The following RBFOX1 variants were observed in gnomAD, a reference collection of about 807,000 sequenced individuals.
The protein encoded by RBFOX1 is RNA binding protein fox-1 homolog 1.
RBFOX1 carries 8 observed loss-of-function variants against 57.7 expected under a neutral mutation model. The observed-to-expected ratio is 0.14, with a 90% CI of 0.08 to 0.25. The LOEUF (loss-of-function observed/expected upper bound fraction) is 0.25, where lower values mean the gene tolerates loss of function less well. Ranked by LOEUF, RBFOX1 falls within the 10% of genes least tolerant of loss-of-function variation. The pLI is 1.00. For missense variants in RBFOX1, 611 were observed against 548.5 expected (o/e 1.11, Z -1.14); for synonymous variants, 326 against 222.4 (o/e 1.47, Z -4.15).
chr16:5,569,436 AC>A (rs151306911), intron 2 of RBFOX1, among the ~76,000 whole-genome samples: 6,556 of 73,792 alleles, frequency 0.089, 546 homozygotes, highest in African/African-American at 0.22. Flanking sequence ...ATAAGAAGTA[AC>A]CTTTTTTTTT....
At chr16:7,134,445 A>G (rs957827365) in intron 4 of RBFOX1, among the ~76,000 whole-genome samples, 1 of 152,188 alleles carries the variant, frequency 6.6e-6, no homozygotes, top group Non-Finnish European at 1.5e-5. Flanking sequence ...CCAATTATTG[A>G]TATGTTTTCA....
chr16:5,585,445 T>G (rs1353090539), intron 2 of RBFOX1, among the ~76,000 whole-genome samples: 3 of 152,206 alleles, frequency 2.0e-5, no homozygotes, highest in African/African-American at 7.2e-5. Context: ...CTTTGGGCTC[T>G]CTTGGGATTT....
intron 2 of RBFOX1, among the ~76,000 whole-genome samples, chr16:5,479,000 A>G (rs1167065971): frequency 1.3e-5 from 2 of 152,122 alleles, no homozygotes; most frequent in Admixed American, 6.5e-5. Context: ...CCATACCTTT[A>G]TGAATAGTCC....
chr16:7,511,647 C>T (rs1485811726), intron 4 of RBFOX1, among the ~76,000 whole-genome samples: 1 of 151,680 alleles, frequency 6.6e-6, no homozygotes, highest in African/African-American at 2.4e-5. Context: ...ATGAATCAGA[C>T]TTGGTTGCAT....
intron 3 of RBFOX1, among the ~76,000 whole-genome samples, chr16:6,997,356 C>T (rs7185741): frequency 0.042 from 6,438 of 152,174 alleles, 355 homozygotes; most frequent in East Asian, 0.23. Flanking sequence ...AAACCAATGA[C>T]TTAAAGGTAC....
chr16:6,294,197 T>C (rs1421614823), intron 1 of RBFOX1, among the ~76,000 whole-genome samples: 1 of 151,850 alleles, frequency 6.6e-6, no homozygotes, highest in Non-Finnish European at 1.5e-5. Context: ...AAAACAAAAA[T>C]AGATTTTCTG....
At chr16:5,492,904 C>T (rs149133342) in intron 2 of RBFOX1, among the ~76,000 whole-genome samples, 6 of 152,316 alleles carry the variant, frequency 3.9e-5, no homozygotes, top group African/African-American at 7.2e-5. Context: ...TGATGTTCTT[C>T]GTATTCGTTG....
intron 2 of RBFOX1, among the ~76,000 whole-genome samples, chr16:5,548,055 G>C (rs35458122): frequency 0.29 from 42,839 of 150,152 alleles, 6,741 homozygotes; most frequent in Non-Finnish European, 0.35. Context: ...CAGCTACTTG[G>C]GAAGCTGAGA....
chr16:5,250,357 C>G (rs541480856), intron 1 of RBFOX1, among the ~76,000 whole-genome samples: 123 of 152,166 alleles, frequency 8.1e-4, no homozygotes, highest in African/African-American at 2.9e-3. Context: ...CTGCACCTAT[C>G]AACCCATCAT....
intron 4 of RBFOX1, among the ~76,000 whole-genome samples, chr16:7,055,638 T>A (rs1484141707): frequency 6.6e-6 from 1 of 152,256 alleles, no homozygotes; most frequent in East Asian, 1.9e-4. Flanking sequence ...CATTGGCCAA[T>A]CTCTACATCA....
intron 1 of RBFOX1, among the ~76,000 whole-genome samples, chr16:5,338,987 C>T (rs1264318269): frequency 6.6e-6 from 1 of 152,100 alleles, no homozygotes; most frequent in African/African-American, 2.4e-5. Context: ...CAAGTCAGTT[C>T]CACATATAAA....
chr16:5,268,157 G>C (rs2062909824), intron 1 of RBFOX1, among the ~76,000 whole-genome samples: 1 of 151,996 alleles, frequency 6.6e-6, no homozygotes, highest in Admixed American at 6.5e-5. Context: ...CCCAAGGTCT[G>C]GCTGGGCAAG....
intron 3 of RBFOX1, among the ~76,000 whole-genome samples, chr16:5,823,827 G>A (rs527455871): frequency 2.3e-4 from 35 of 152,222 alleles, no homozygotes; most frequent in Non-Finnish European, 2.9e-4. Context: ...GGCTCCCACT[G>A]ATTCTACATT....
chr16:5,984,968 A>G (rs1204036142), intron 4 of RBFOX1, among the ~76,000 whole-genome samples: 2 of 55,738 alleles, frequency 3.6e-5, no homozygotes, highest in Non-Finnish European at 6.3e-5. Context: ...ATATATATAT[A>G]TATATATATT....
In RBFOX1 at chr16:5,480,136, G is replaced by T. The variant is rs113152820; in HGVS notation, c.258+12882G>T. ...CTCCGCAGAGAGGGAAGCTATCTCA[G>T]ATTCACAGAATGACTTGTGATCTAG... On this transcript the variant is annotated intron_variant, in intron 2 of 2. Transcript: ENST00000585867. Among the ~76,000 whole-genome samples, 1,102 of 152,318 alleles carry T rather than the reference G, an allele frequency of 7.2e-3. 9 individuals carry two copies. The highest frequency in any genetic ancestry group is 0.027 in the Middle Eastern group (8 of 294).
At chr16:5,607,483 G>A (rs1350975954) in intron 3 of RBFOX1, among the ~76,000 whole-genome samples, 1 of 152,146 alleles carries the variant, frequency 6.6e-6, no homozygotes, top group Non-Finnish European at 1.5e-5. Flanking sequence ...AATCTCTGAG[G>A]ATGGCTGTGC....
At chr16:5,918,351 C>T (rs374519292) in intron 4 of RBFOX1, among the ~76,000 whole-genome samples, 1 of 152,168 alleles carries the variant, frequency 6.6e-6, no homozygotes, top group Non-Finnish European at 1.5e-5. Flanking sequence ...AACTTCTGAC[C>T]TCAGGTGATC....
intron 4 of RBFOX1, among the ~76,000 whole-genome samples, chr16:7,485,589 C>G (rs369446232): frequency 6.6e-6 from 1 of 152,110 alleles, no homozygotes; most frequent in Non-Finnish European, 1.5e-5. Flanking sequence ...GTCCCTACTC[C>G]CCCAGGCAAG....
chr16:7,708,542 C>T (rs1190486642), intron 14 of RBFOX1, among the ~76,000 whole-genome samples: 1 of 152,174 alleles, frequency 6.6e-6, no homozygotes. Context: ...TTTAAGGCTG[C>T]TTCCATTCAA....
Sources: gnomAD v4.1 joint callset for allele counts (sites outside exome capture counted in the v4.1 genomes callset) on GRCh38, gnomAD v4.1.1 for gene constraint, MANE v1.5 for transcripts, NCBI Gene and HGNC (gene_info 2026-07-23, HGNC 2026-07-21) for gene names.